PTPRG: variants seen among roughly 807,000 people sequenced by gnomAD.
PTPRG encodes the protein protein tyrosine phosphatase receptor type G, also known as receptor-type tyrosine-protein phosphatase gamma.
Under a neutral mutation model 165.3 loss-of-function variants are expected in PTPRG, and 102 were observed. The observed-to-expected ratio is 0.62, with a 90% CI of 0.53 to 0.73. The LOEUF is 0.73. Among genes scored for constraint, PTPRG ranks in the 30% least tolerant of loss-of-function variants. The pLI is 0.00. For missense variants in PTPRG, 1,866 were observed against 1,861.4 expected, an observed-to-expected ratio of 1.00 and a Z score of -0.05; for synonymous variants, 675 against 669.5, an observed-to-expected ratio of 1.01 and a Z score of -0.13.
intron 1 of PTPRG, among the ~76,000 whole-genome samples, chr3:61,572,339 A>G (rs1700075603): frequency 6.6e-6 from 1 of 152,182 alleles, no homozygotes; most frequent in African/African-American, 2.4e-5. Flanking sequence ...AGTTATGTGT[A>G]TAGCGTTTAA....
intron 28 of PTPRG, among the ~76,000 whole-genome samples, chr3:62,284,862 A>G (rs547198634): frequency 1.3e-5 from 2 of 152,224 alleles, no homozygotes; most frequent in South Asian, 2.1e-4. Flanking sequence ...AATCTAGTGT[A>G]AAGTTTACAT....
chr3:61,980,656 A>G (rs2040618705), intron 2 of PTPRG, among the ~76,000 whole-genome samples: 1 of 152,194 alleles, frequency 6.6e-6, no homozygotes, highest in Non-Finnish European at 1.5e-5. Context: ...TCCTATATTT[A>G]TTAGTTACAA....
At chr3:61,862,688 C>T (rs147915076) in intron 2 of PTPRG, among the ~76,000 whole-genome samples, 143 of 152,300 alleles carry the variant, frequency 9.4e-4, no homozygotes, top group African/African-American at 3.2e-3. Flanking sequence ...AGCCACCGTG[C>T]CCGGCCTGAT....
chr3:61,692,915 A>G (rs2030316045), intron 1 of PTPRG, among the ~76,000 whole-genome samples: 1 of 152,166 alleles, frequency 6.6e-6, no homozygotes. Context: ...AAAGTTGGCT[A>G]CTTCTGTACA....
Position 61,746,138 on chromosome 3 carries a change from G to T in PTPRG, c.86-2740G>T, listed in dbSNP as rs563664243. On this transcript the variant is annotated intron_variant, in intron 1 of 29. Coordinates refer to ENST00000474889, the MANE Select transcript of PTPRG (RefSeq NM_002841.4). ...ATCACGGCTCACTTGAGCCTCCCTG[G>T]CTCACGCTATCGTCCCACCTCAGCC... Among the ~76,000 whole-genome samples the T allele has an allele frequency of 2.7e-5, 4 of 148,440 alleles. No individual in the cohort carries two copies. In the South Asian group the frequency reaches 8.5e-4, roughly 32 times the overall value.
At chr3:61,987,339 C>T (rs973179849) in intron 2 of PTPRG, among the ~76,000 whole-genome samples, 1 of 152,142 alleles carries the variant, frequency 6.6e-6, no homozygotes, top group Admixed American at 6.5e-5. Flanking sequence ...ATAAATGAAT[C>T]CCACTGGTAT....
intron 20 of PTPRG, among the ~76,000 whole-genome samples, chr3:62,269,836 A>G (rs1468727692): frequency 6.6e-6 from 1 of 152,122 alleles, no homozygotes; most frequent in Admixed American, 6.6e-5. Flanking sequence ...TGTGGAAGGT[A>G]TGTTTCAAGA....
In PTPRG at chr3:62,203,350, C is replaced by T. The variant is rs776508202; in HGVS notation, c.1555C>T (p.Leu519=). 1 of 1,613,334 alleles carries T rather than the reference C, an allele frequency of 6.2e-7. No homozygotes were observed. ...SVVTSTLLAG[L]GFGGGGISSF... ...GGTCACCAGCACGCTGCTCGCCGGC[C>T]TGGGGTTCGGCGGTGGTGGCATCTC... The change falls in exon 12 of 30, where the codon CTG becomes TTG. Residue 519 remains leucine (L), a synonymous_variant. Coordinates refer to ENST00000474889, the MANE Select transcript of PTPRG (RefSeq NM_002841.4). The surrounding 1 kb of genome is among the most constrained non-coding windows in gnomAD (Gnocchi z 6.4).
chr3:61,681,846 G>A (rs1027009355), intron 1 of PTPRG, among the ~76,000 whole-genome samples: 1 of 152,068 alleles, frequency 6.6e-6, no homozygotes, highest in Non-Finnish European at 1.5e-5. Flanking sequence ...TCATTTTCTT[G>A]ATGACTGAAA....
intron 2 of PTPRG, among the ~76,000 whole-genome samples, chr3:61,811,214 A>T (rs1307090928): frequency 1.3e-5 from 2 of 152,010 alleles, no homozygotes; most frequent in African/African-American, 4.8e-5. Context: ...GAGTGCTTGA[A>T]TGTGCTTGCA....
At chr3:62,030,231 C>T (rs1344524681) in intron 4 of PTPRG, among the ~76,000 whole-genome samples, 4 of 149,864 alleles carry the variant, frequency 2.7e-5, no homozygotes, top group East Asian at 2.0e-4. Context: ...TCAGTTCCTG[C>T]GTTTTTTGAA....
intron 1 of PTPRG, among the ~76,000 whole-genome samples, chr3:61,726,963 C>T (rs571298326): frequency 2.0e-5 from 3 of 151,172 alleles, no homozygotes; most frequent in African/African-American, 4.9e-5. Flanking sequence ...AGGAGAATGG[C>T]GTGAACCCGG....
intron 1 of PTPRG, among the ~76,000 whole-genome samples, chr3:61,642,018 C>T (rs1702079280): frequency 6.6e-6 from 1 of 152,180 alleles, no homozygotes; most frequent in Non-Finnish European, 1.5e-5. Context: ...AAACCTGGTG[C>T]CGTTGCCCGC....
intron 1 of PTPRG, among the ~76,000 whole-genome samples, chr3:61,718,529 G>C (rs980148243): frequency 6.6e-6 from 1 of 152,140 alleles, no homozygotes; most frequent in African/African-American, 2.4e-5. Context: ...ATCTGAGACT[G>C]TTTTATATTA....
At chr3:61,777,726 A>G (rs566747271) in intron 2 of PTPRG, among the ~76,000 whole-genome samples, 1 of 152,208 alleles carries the variant, frequency 6.6e-6, no homozygotes, top group Admixed American at 6.5e-5. Flanking sequence ...TTACGTGACA[A>G]GAACATATTT....
At chr3:62,178,188 C>G (rs1705506981) in intron 8 of PTPRG, among the ~76,000 whole-genome samples, 1 of 129,748 alleles carries the variant, frequency 7.7e-6, no homozygotes, top group South Asian at 2.5e-4. Flanking sequence ...GATGGATGCA[C>G]ATGTGGATCC....
chr3:62,148,968 T>A (rs1704222279), intron 6 of PTPRG, among the ~76,000 whole-genome samples: 1 of 152,040 alleles, frequency 6.6e-6, no homozygotes, highest in South Asian at 2.1e-4. Flanking sequence ...GTAAACCTTG[T>A]TTTCCTCTCA....
intron 2 of PTPRG, among the ~76,000 whole-genome samples, chr3:61,791,448 G>C (rs1337567549): frequency 6.6e-6 from 1 of 152,114 alleles, no homozygotes; most frequent in Non-Finnish European, 1.5e-5. Flanking sequence ...AGTTGGGTAC[G>C]TATTTGTAAC....
intron 1 of PTPRG, among the ~76,000 whole-genome samples, chr3:61,602,142 C>G (rs914127719): frequency 9.9e-5 from 15 of 151,084 alleles, no homozygotes; most frequent in African/African-American, 3.7e-4. Context: ...TCTGTTCAGG[C>G]CTTCCTAGCT....
Sources: allele counts gnomAD v4.1 joint callset (sites outside exome capture counted in the v4.1 genomes callset), GRCh38; gene constraint gnomAD v4.1.1; non-coding constraint Gnocchi (gnomAD v3.1); transcripts MANE v1.5; gene names NCBI Gene and HGNC (gene_info 2026-07-23, HGNC 2026-07-21).